KCNIP4: variants seen among roughly 807,000 people sequenced by gnomAD.
KCNIP4 encodes the protein Kv channel-interacting protein 4.
KCNIP4 carries 12 observed loss-of-function variants against 34.0 expected under a neutral mutation model. The ratio of observed to expected loss-of-function variants is 0.35; its 90% CI spans 0.23 to 0.57. The LOEUF (loss-of-function observed/expected upper bound fraction) is 0.57, where lower values mean the gene tolerates loss of function less well. KCNIP4 is among the 20% of genes least tolerant of loss of function. KCNIP4 has a pLI of 0.83. For missense variants in KCNIP4, 238 were observed against 311.7 expected (o/e 0.76, Z 1.78); for synonymous variants, 124 against 102.2 (o/e 1.21, Z -1.29).
At chr4:20,930,333 A>G (rs1730328855) in intron 1 of KCNIP4, among the ~76,000 whole-genome samples, 1 of 152,044 alleles carries the variant, frequency 6.6e-6, no homozygotes. Flanking sequence ...TTGGACCCTA[A>G]TCTTGCACCA....
Position 21,604,716 on chromosome 4 carries a change from C to G in KCNIP4, c.61+343855G>C, listed in dbSNP as rs190843796. ...ACCTCTGAAAAATATAAATTGGATG[C>G]TATTTGTCTGAAGAAGTTAGGATGA... On this transcript the variant is annotated intron_variant, in intron 1 of 8. Transcript: ENST00000382152. Among the ~76,000 whole-genome samples the G allele has an allele frequency of 5.3e-5, 8 of 152,126 alleles. No homozygotes were observed. In the East Asian group the frequency reaches 7.7e-4, roughly 15 times the overall value.
intron 3 of KCNIP4, among the ~76,000 whole-genome samples, chr4:20,816,446 G>T (rs1716398738): frequency 6.6e-6 from 1 of 152,030 alleles, no homozygotes; most frequent in South Asian, 2.1e-4. Flanking sequence ...AGCTACGTAG[G>T]GCGCAGACTG....
At chr4:21,060,981 A>C (rs1007739757) in intron 1 of KCNIP4, among the ~76,000 whole-genome samples, 2 of 152,202 alleles carry the variant, frequency 1.3e-5, no homozygotes, top group Non-Finnish European at 2.9e-5. Flanking sequence ...TGGGTCCAAG[A>C]TAACGAGCCT....
Position 21,058,361 on chromosome 4 carries a change from G to A in KCNIP4, c.62-175652C>T, listed in dbSNP as rs1424894789. ...TCCATTTATTCTGCAAGTGATGGGCGCAAAGGAAGAAAACCTGTGCAGGAA... is the reference window on the plus strand; with the variant it reads ...TCCATTTATTCTGCAAGTGATGGGCACAAAGGAAGAAAACCTGTGCAGGAA... On this transcript the variant is annotated intron_variant, in intron 1 of 8. Coordinates refer to ENST00000382152, the MANE Select transcript of KCNIP4 (RefSeq NM_025221.6). Among the ~76,000 whole-genome samples, 10 of 152,214 alleles carry A rather than the reference G, an allele frequency of 6.6e-5. No homozygotes were observed. In the South Asian group the frequency reaches 8.3e-4, roughly 13 times the overall value.
intron 3 of KCNIP4, among the ~76,000 whole-genome samples, chr4:20,839,100 A>G (rs28556906): frequency 0.39 from 59,279 of 151,980 alleles, 12,091 homozygotes; most frequent in Non-Finnish European, 0.46. Flanking sequence ...TTGTCCTCTG[A>G]CAACTCTTTG....
chr4:21,223,431 T>G (rs1295209795), intron 1 of KCNIP4, among the ~76,000 whole-genome samples: 1 of 152,224 alleles, frequency 6.6e-6, no homozygotes, highest in Admixed American at 6.5e-5. Context: ...TAAGGCACTA[T>G]GCATGTGGTC....
chr4:21,799,497 G>A (rs1050460782), intron 1 of KCNIP4, among the ~76,000 whole-genome samples: 2 of 152,150 alleles, frequency 1.3e-5, no homozygotes, highest in Non-Finnish European at 2.9e-5. Context: ...GTTTGTTGCA[G>A]GGAGGTAGAG....
intron 1 of KCNIP4, among the ~76,000 whole-genome samples, chr4:20,884,337 G>A (rs554440586): frequency 5.8e-4 from 88 of 152,218 alleles, no homozygotes; most frequent in South Asian, 1.9e-3. Context: ...TTTAAGCTCC[G>A]CATGTATGTG....
chr4:21,776,002 G>A (rs1719150741), intron 1 of KCNIP4, among the ~76,000 whole-genome samples: 1 of 152,222 alleles, frequency 6.6e-6, no homozygotes, highest in Non-Finnish European at 1.5e-5. Flanking sequence ...GTAGGCTTAA[G>A]CAGATTCCAG....
At chr4:21,641,605 G>T (rs1230680306) in intron 1 of KCNIP4, among the ~76,000 whole-genome samples, 1 of 152,104 alleles carries the variant, frequency 6.6e-6, no homozygotes, top group Admixed American at 6.6e-5. Context: ...TCTCTGAATG[G>T]GTGAAAATCA....
chr4:21,880,512 A>G (rs1726400765), intron 1 of KCNIP4, among the ~76,000 whole-genome samples: 1 of 152,206 alleles, frequency 6.6e-6, no homozygotes, highest in Non-Finnish European at 1.5e-5. Flanking sequence ...TTCATCATTA[A>G]AAACTACTGA....
intron 1 of KCNIP4, among the ~76,000 whole-genome samples, chr4:21,078,078 A>G (rs1745660793): frequency 6.6e-6 from 1 of 152,114 alleles, no homozygotes. Context: ...ATGGTTGAGC[A>G]GAGGGTGATG....
At chr4:20,956,773 A>G (rs1241448902) in intron 1 of KCNIP4, among the ~76,000 whole-genome samples, 1 of 152,212 alleles carries the variant, frequency 6.6e-6, no homozygotes, top group Non-Finnish European at 1.5e-5. Flanking sequence ...AACCTCTTAC[A>G]AAAAACCAAT....
At chr4:20,804,881 CTGAT>C (rs1252235707) in intron 3 of KCNIP4, among the ~76,000 whole-genome samples, 1 of 152,204 alleles carries the variant, frequency 6.6e-6, no homozygotes, top group Non-Finnish European at 1.5e-5. Context: ...TTAATTTTCT[CTGAT>C]TGCAGACCAG....
At chr4:21,260,901 T>A (rs1450446785) in intron 1 of KCNIP4, among the ~76,000 whole-genome samples, 1 of 152,214 alleles carries the variant, frequency 6.6e-6, no homozygotes, top group African/African-American at 2.4e-5. Context: ...CAGCCAAGGA[T>A]ACACACTGCT....
chr4:21,028,192 G>A (rs1413155869), intron 1 of KCNIP4, among the ~76,000 whole-genome samples: 1 of 151,956 alleles, frequency 6.6e-6, no homozygotes, highest in East Asian at 1.9e-4. Flanking sequence ...TCACTGTCCT[G>A]ATCAGAGATG....
At chr4:21,759,019 G>C (rs1422539238) in intron 1 of KCNIP4, among the ~76,000 whole-genome samples, 1 of 152,112 alleles carries the variant, frequency 6.6e-6, no homozygotes, top group Non-Finnish European at 1.5e-5. Flanking sequence ...TTCTGGCAAA[G>C]AGCAAACTCA....
chr4:21,550,940 C>A (rs747485337), intron 1 of KCNIP4, among the ~76,000 whole-genome samples: 30 of 152,156 alleles, frequency 2.0e-4, no homozygotes, highest in Non-Finnish European at 3.8e-4. Flanking sequence ...TATTATCATC[C>A]TTTAAAACGC....
intron 1 of KCNIP4, among the ~76,000 whole-genome samples, chr4:21,553,463 A>G (rs1258927939): frequency 2.0e-5 from 3 of 152,160 alleles, no homozygotes; most frequent in Admixed American, 2.0e-4. Flanking sequence ...GCATAGATAA[A>G]TAAGAAGCAT....
Sources: allele counts gnomAD v4.1 joint callset (sites outside exome capture counted in the v4.1 genomes callset), GRCh38; gene constraint gnomAD v4.1.1; transcripts MANE v1.5; gene names NCBI Gene and HGNC (gene_info 2026-07-23, HGNC 2026-07-21).